GPC5: variants seen among roughly 807,000 people sequenced by gnomAD.
GPC5 encodes glypican-5.
Under a neutral mutation model 53.9 loss-of-function variants are expected in GPC5, and 47 were observed. The observed-to-expected ratio is 0.87, with a 90% CI of 0.69 to 1.11. The LOEUF (loss-of-function observed/expected upper bound fraction) is 1.11, where lower values mean the gene tolerates loss of function less well. Ranked by LOEUF, GPC5 falls within the 50% of genes most tolerant of loss-of-function variation. The pLI is 0.00. For synonymous variants in GPC5, 286 were observed against 263.3 expected (o/e 1.09, Z -0.84); for missense variants, 748 against 713.1 (o/e 1.05, Z -0.56).
intron 2 of GPC5, among the ~76,000 whole-genome samples, chr13:91,584,517 T>C (rs2032486324): frequency 6.6e-6 from 1 of 152,158 alleles, no homozygotes; most frequent in Non-Finnish European, 1.5e-5. Flanking sequence ...AGGAATACTT[T>C]TTTTAGAAAG....
At chr13:91,802,626 G>C (rs1203797060) in intron 5 of GPC5, among the ~76,000 whole-genome samples, 1 of 152,122 alleles carries the variant, frequency 6.6e-6, no homozygotes, top group Non-Finnish European at 1.5e-5. Flanking sequence ...CAAACCTTTA[G>C]CTAGGCACAG....
chr13:92,590,985 T>C (rs767162815), intron 7 of GPC5, among the ~76,000 whole-genome samples: 3 of 152,180 alleles, frequency 2.0e-5, no homozygotes, highest in Non-Finnish European at 4.4e-5. Context: ...ATATGAAATA[T>C]AGAACTATGT....
intron 7 of GPC5, among the ~76,000 whole-genome samples, chr13:92,208,336 C>T (rs1056851129): frequency 1.4e-4 from 22 of 152,340 alleles, no homozygotes; most frequent in African/African-American, 5.3e-4. Context: ...TCCCTTTCTC[C>T]CAGACCTATA....
chr13:91,561,197 C>A (rs2031241923), intron 2 of GPC5, among the ~76,000 whole-genome samples: 1 of 124,942 alleles, frequency 8.0e-6, no homozygotes, highest in African/African-American at 4.2e-5. Context: ...ATGGACCCAG[C>A]CTGTGATTAT....
chr13:92,410,866 T>A (rs1177164251), intron 7 of GPC5, among the ~76,000 whole-genome samples: 1 of 152,228 alleles, frequency 6.6e-6, no homozygotes, highest in African/African-American at 2.4e-5. Context: ...GAACTACTTA[T>A]TTTTTCTAGT....
intron 6 of GPC5, among the ~76,000 whole-genome samples, chr13:92,122,981 C>T (rs540508260): frequency 1.6e-4 from 25 of 152,146 alleles, no homozygotes; most frequent in Non-Finnish European, 8.8e-5. Context: ...CACATTGATC[C>T]TGCAGAAAAT....
At chr13:92,685,497 T>A (rs1336204799) in intron 7 of GPC5, among the ~76,000 whole-genome samples, 1 of 151,108 alleles carries the variant, frequency 6.6e-6, no homozygotes. Context: ...AGTCTGACCC[T>A]CTGCATTTTA....
intron 7 of GPC5, among the ~76,000 whole-genome samples, chr13:92,163,194 A>T (rs113089725): frequency 1.3e-5 from 2 of 152,000 alleles, no homozygotes; most frequent in African/African-American, 4.8e-5. Flanking sequence ...GGGCATGGTG[A>T]TTCACGCCTG....
chr13:92,846,590 A>G (rs1170738895), intron 7 of GPC5, among the ~76,000 whole-genome samples: 1 of 152,190 alleles, frequency 6.6e-6, no homozygotes, highest in Non-Finnish European at 1.5e-5. Context: ...AGATCTTGCC[A>G]GATTGTCGCA....
intron 7 of GPC5, among the ~76,000 whole-genome samples, chr13:92,859,091 TA>T (rs1295626299): frequency 1.3e-5 from 2 of 151,762 alleles, no homozygotes; most frequent in Non-Finnish European, 2.9e-5. Context: ...AAACTTTTTT[TA>T]AAAAAAATTA....
At chr13:92,159,691 C>T (rs976119326) in intron 7 of GPC5, among the ~76,000 whole-genome samples, 1 of 149,530 alleles carries the variant, frequency 6.7e-6, no homozygotes, top group African/African-American at 2.5e-5. Context: ...CAAGCTCCGC[C>T]TCCCGGGTTC....
chr13:92,096,580 A>G (rs2041423846), intron 6 of GPC5, among the ~76,000 whole-genome samples: 2 of 152,342 alleles, frequency 1.3e-5, no homozygotes, highest in Admixed American at 6.5e-5. Context: ...TGATTAAGGC[A>G]CAAGGGTTCC....
chr13:92,376,529 A>G (rs1047060171), intron 7 of GPC5, among the ~76,000 whole-genome samples: 1 of 152,142 alleles, frequency 6.6e-6, no homozygotes, highest in African/African-American at 2.4e-5. Context: ...CTGGTCTTAG[A>G]CTGTTGACGA....
intron 7 of GPC5, among the ~76,000 whole-genome samples, chr13:92,665,031 C>T (rs1298686457): frequency 6.6e-6 from 1 of 151,946 alleles, no homozygotes; most frequent in African/African-American, 2.4e-5. Context: ...CAGTAGAAAT[C>T]GAGTTTGTAG....
intron 1 of GPC5, among the ~76,000 whole-genome samples, chr13:91,422,678 C>T (rs568829545): frequency 3.9e-4 from 59 of 151,740 alleles, no homozygotes; most frequent in African/African-American, 1.4e-3. Context: ...GTGCTGGAGG[C>T]TGGGAAGTCA....
intron 7 of GPC5, among the ~76,000 whole-genome samples, chr13:92,360,226 T>C (rs533648152): frequency 6.6e-6 from 1 of 151,714 alleles, no homozygotes; most frequent in South Asian, 2.1e-4. Flanking sequence ...CTTAACAAAA[T>C]ACTTGAAAAC....
intron 7 of GPC5, among the ~76,000 whole-genome samples, chr13:92,757,037 CA>C (rs1171919878): frequency 6.6e-6 from 1 of 151,498 alleles, no homozygotes; most frequent in Non-Finnish European, 1.5e-5. Flanking sequence ...AATCCTAAGC[CA>C]AAAGAACAAA....
At chr13:92,685,125 C>G (rs1180177748) in intron 7 of GPC5, among the ~76,000 whole-genome samples, 3 of 136,496 alleles carry the variant, frequency 2.2e-5, no homozygotes, top group Non-Finnish European at 4.6e-5. Flanking sequence ...TAGTCTCACT[C>G]TGTCACCCAT....
At chr13:91,521,947 T>A (rs1376162989) in intron 2 of GPC5, among the ~76,000 whole-genome samples, 1 of 152,226 alleles carries the variant, frequency 6.6e-6, no homozygotes, top group Non-Finnish European at 1.5e-5. Context: ...CTCATGGAAC[T>A]TAGGGAAATA....
Sources: gnomAD v4.1 joint callset for allele counts (sites outside exome capture counted in the v4.1 genomes callset) on GRCh38, gnomAD v4.1.1 for gene constraint, MANE v1.5 for transcripts, NCBI Gene and HGNC (gene_info 2026-07-23, HGNC 2026-07-21) for gene names.